The following DIRAS2 variants were observed in gnomAD, a reference collection of about 807,000 sequenced individuals.
DIRAS2 encodes GTP-binding protein Di-Ras2.
Under a neutral mutation model 13.9 loss-of-function variants are expected in DIRAS2, and 5 were observed. That is an observed-to-expected ratio of 0.36 (90% CI 0.19 to 0.76). The LOEUF (loss-of-function observed/expected upper bound fraction) is 0.76, where lower values mean the gene tolerates loss of function less well. DIRAS2 is among the 30% of genes least tolerant of loss of function. DIRAS2 has a pLI of 0.53. For synonymous variants in DIRAS2, 111 were observed against 105.4 expected, an observed-to-expected ratio of 1.05 and a Z score of -0.33; for missense variants, 191 against 263.0, an observed-to-expected ratio of 0.73 and a Z score of 1.89.
chr9:90,638,071 T>G (rs903281474), intron 1 of DIRAS2, among the ~76,000 whole-genome samples: 3 of 152,228 alleles, frequency 2.0e-5, no homozygotes, highest in African/African-American at 7.2e-5. Flanking sequence ...ACTTTTCCTT[T>G]TTAGTATTTC....
chr9:90,621,906 T>C (rs191406464), intron 1 of DIRAS2, among the ~76,000 whole-genome samples: 1 of 152,346 alleles, frequency 6.6e-6, no homozygotes, highest in African/African-American at 2.4e-5. Flanking sequence ...ATGTTATTTA[T>C]AGTTTGTTCA....
At chr9:90,635,968 T>A (rs927201240) in intron 1 of DIRAS2, among the ~76,000 whole-genome samples, 2 of 147,082 alleles carry the variant, frequency 1.4e-5, no homozygotes, top group African/African-American at 5.0e-5. Context: ...ATAATAGAAG[T>A]GGAACAATTC....
chr9:90,634,342 A>G (rs191080188), intron 1 of DIRAS2, among the ~76,000 whole-genome samples: 63 of 152,336 alleles, frequency 4.1e-4, no homozygotes, highest in Middle Eastern at 6.8e-3. Context: ...GGAGCCATTA[A>G]TCAATGAAAA....
chr9:90,625,917 C>T (rs1825264326), intron 1 of DIRAS2: 1 of 152,168 alleles, frequency 6.6e-6, no homozygotes, highest in Non-Finnish European at 1.5e-5. Flanking sequence ...GGCGCGGTGA[C>T]TCACATCTGT....
At chr9:90,621,612 C>A (rs1174424851) in intron 1 of DIRAS2, among the ~76,000 whole-genome samples, 1 of 152,154 alleles carries the variant, frequency 6.6e-6, no homozygotes, top group Non-Finnish European at 1.5e-5. Flanking sequence ...ATAAAATGTT[C>A]TTTTATGCAT....
chr9:90,615,156 C>T (rs368284155), intron 1 of DIRAS2, among the ~76,000 whole-genome samples: 1 of 152,196 alleles, frequency 6.6e-6, no homozygotes, highest in East Asian at 1.9e-4. Flanking sequence ...TTTTAGAGTC[C>T]AGTAAAAATA....
At chr9:90,618,016 C>G (rs1825185011) in intron 1 of DIRAS2, among the ~76,000 whole-genome samples, 3 of 151,478 alleles carry the variant, frequency 2.0e-5, no homozygotes, top group Admixed American at 2.0e-4. Context: ...AGATTCAATG[C>G]AATTCTTAAA....
At chr9:90,616,516 C>G (rs907148477) in intron 1 of DIRAS2, among the ~76,000 whole-genome samples, 1 of 152,110 alleles carries the variant, frequency 6.6e-6, no homozygotes, top group African/African-American at 2.4e-5. Flanking sequence ...GGCATGGAAG[C>G]ATGAATCTGA....
chr9:90,617,229 T>A (rs987672030), intron 1 of DIRAS2, among the ~76,000 whole-genome samples: 3 of 152,104 alleles, frequency 2.0e-5, no homozygotes, highest in Non-Finnish European at 4.4e-5. Flanking sequence ...TTTAGAGAAA[T>A]GACAGTAAAC....
intron 1 of DIRAS2, among the ~76,000 whole-genome samples, chr9:90,636,873 C>A (rs1041162352): frequency 6.6e-6 from 1 of 152,170 alleles, no homozygotes; most frequent in African/African-American, 2.4e-5. Context: ...GAAAATATCA[C>A]GTCAAAAATG....
Position 90,611,320 on chromosome 9 carries a change from C to T in DIRAS2, c.*1908G>A, listed in dbSNP as rs1825111348. On this transcript the variant is annotated 3_prime_UTR_variant, in exon 2 of 2. Coordinates refer to ENST00000375765, the MANE Select transcript of DIRAS2 (RefSeq NM_017594.5). ...TCTTCACCCCCAGCTGGCTCCCACG[C>T]CACTTCTCTGCTTTCTCAGCTCAGC... 1 of 152,308 alleles carries T rather than the reference C, an allele frequency of 6.6e-6. No homozygotes were observed. Among genetic ancestry groups the T allele is most frequent in the Admixed American group, 6.5e-5 (1 of 15,284 alleles). The allele number at this position is 152,308 out of a possible 1,614,324, so 9.4% of individuals were successfully genotyped here.
chr9:90,621,743 C>A (rs561025885), intron 1 of DIRAS2, among the ~76,000 whole-genome samples: 94 of 152,200 alleles, frequency 6.2e-4, no homozygotes, highest in Non-Finnish European at 1.0e-3. Flanking sequence ...AAATCAGGCA[C>A]TTATTGTTTG....
intron 1 of DIRAS2, among the ~76,000 whole-genome samples, chr9:90,619,168 G>C (rs570490442): frequency 6.6e-6 from 1 of 152,016 alleles, no homozygotes; most frequent in African/African-American, 2.4e-5. Flanking sequence ...GGCTGGGGGC[G>C]GTGGCTCATG....
intron 1 of DIRAS2, among the ~76,000 whole-genome samples, chr9:90,640,503 G>C (rs1424549593): frequency 1.3e-5 from 2 of 152,224 alleles, no homozygotes; most frequent in Non-Finnish European, 2.9e-5. Context: ...AAAGCCATCA[G>C]CAATTTTGAC....
chr9:90,624,800 G>A (rs59080656), intron 1 of DIRAS2, among the ~76,000 whole-genome samples: 18,991 of 151,252 alleles, frequency 0.13, 1,301 homozygotes, highest in East Asian at 0.21. Flanking sequence ...CAACCTCTTC[G>A]GCCTCCCGGG....
intron 1 of DIRAS2, among the ~76,000 whole-genome samples, chr9:90,638,993 T>A (rs1825395374): frequency 6.6e-6 from 1 of 152,116 alleles, no homozygotes; most frequent in South Asian, 2.1e-4. Context: ...AGGAAGGGCG[T>A]GTGTGTGTTT....
chr9:90,627,087 A>T (rs1825276864), intron 1 of DIRAS2, among the ~76,000 whole-genome samples: 1 of 151,986 alleles, frequency 6.6e-6, no homozygotes, highest in Non-Finnish European at 1.5e-5. Flanking sequence ...ATTCTGTGGC[A>T]TTCCTCCTCC....
intron 1 of DIRAS2, among the ~76,000 whole-genome samples, chr9:90,640,371 C>G (rs557467887): frequency 6.6e-6 from 1 of 152,078 alleles, no homozygotes; most frequent in African/African-American, 2.4e-5. Context: ...AGTCCTTCCC[C>G]GTCAGTGAGG....
chr9:90,615,270 C>T (rs1825158579), intron 1 of DIRAS2, among the ~76,000 whole-genome samples: 1 of 152,210 alleles, frequency 6.6e-6, no homozygotes, highest in Non-Finnish European at 1.5e-5. Flanking sequence ...ATTCCACCTT[C>T]TCATTTTGCC....
Sources: gnomAD v4.1 joint callset for allele counts (sites outside exome capture counted in the v4.1 genomes callset) on GRCh38, gnomAD v4.1.1 for gene constraint, MANE v1.5 for transcripts, NCBI Gene and HGNC (gene_info 2026-07-23, HGNC 2026-07-21) for gene names.